PABPC4L: variants seen among roughly 807,000 people sequenced by gnomAD.
PABPC4L encodes poly(A) binding protein cytoplasmic 4 like.
For synonymous variants in PABPC4L, 169 were observed against 164.1 expected, an observed-to-expected ratio of 1.03 and a Z score of -0.23; for missense variants, 452 against 451.4, an observed-to-expected ratio of 1.00 and a Z score of -0.01.
rs1171050380 is a variant in PABPC4L at position 134,198,154 on chromosome 4, G to A, written c.*1753C>T. On this transcript the variant is annotated 3_prime_UTR_variant, in exon 2 of 2. Coordinates refer to ENST00000421491, the MANE Select transcript of PABPC4L (RefSeq NM_001114734.2). Reference sequence around the variant, plus strand: ...ATTATAAGACAAATAATTATTGTGAGCATAAAAGTTGACCATAGCATATTG... The same window carrying A: ...ATTATAAGACAAATAATTATTGTGAACATAAAAGTTGACCATAGCATATTG... 1 of 151,532 alleles carries A rather than the reference G, an allele frequency of 6.6e-6. No homozygotes were observed. Among genetic ancestry groups the A allele is most frequent in the Non-Finnish European group, 1.5e-5 (1 of 67,604 alleles). The allele number at this position is 151,532 out of a possible 1,614,324, so 9.4% of individuals were successfully genotyped here. A position where few individuals can be genotyped will look rare whatever the true frequency, so the allele number is the denominator to read the frequency against.
chr4:134,105,925 T>A, the PABPC4L span, among the ~76,000 whole-genome samples: 1 of 151,758 alleles, frequency 6.6e-6, no homozygotes, highest in Non-Finnish European at 1.5e-5. Flanking sequence ...GTTAAAAGAC[T>A]GCTGTAATAA....
At chr4:134,167,481 T>C in the PABPC4L span, among the ~76,000 whole-genome samples, 2 of 151,784 alleles carry the variant, frequency 1.3e-5, no homozygotes, top group Admixed American at 1.3e-4. Flanking sequence ...TACAAATACA[T>C]AGAGTGGCTG....
At chr4:134,131,222 G>A in the PABPC4L span, among the ~76,000 whole-genome samples, 3 of 151,864 alleles carry the variant, frequency 2.0e-5, no homozygotes, top group Non-Finnish European at 4.4e-5. Flanking sequence ...AAAAGTAAAG[G>A]GCATCCAAAT....
At chr4:133,986,449 G>A in the PABPC4L span, among the ~76,000 whole-genome samples, 5 of 151,896 alleles carry the variant, frequency 3.3e-5, no homozygotes, top group Non-Finnish European at 2.9e-5. Flanking sequence ...AAAATTATTT[G>A]TTTGCATTTT....
the PABPC4L span, among the ~76,000 whole-genome samples, chr4:134,088,943 G>T: frequency 6.6e-6 from 1 of 152,006 alleles, no homozygotes; most frequent in Non-Finnish European, 1.5e-5. Context: ...GTGAAGAAAT[G>T]TATTTTAAAA....
rs72944870 is a variant in PABPC4L at position 134,199,593 on chromosome 4, A to T, written c.*314T>A. 1,026 of 201,674 alleles carry T rather than the reference A, an allele frequency of 5.1e-3. 15 individuals are homozygous for T. Among genetic ancestry groups the T allele is most frequent in the African/African-American group, 0.021 (930 of 43,540 alleles). The allele number at this position is 201,674 out of a possible 1,614,324, so 12.5% of individuals were successfully genotyped here. ...AAATAATAAATATGCAATAAATTCA[A>T]ATAATTACCTCATTTCATTTGGTTC... On this transcript the variant is annotated 3_prime_UTR_variant, in exon 2 of 2. Coordinates refer to ENST00000421491, the MANE Select transcript of PABPC4L (RefSeq NM_001114734.2).
the PABPC4L span, among the ~76,000 whole-genome samples, chr4:134,035,173 A>T: frequency 1.3e-5 from 2 of 151,994 alleles, no homozygotes; most frequent in African/African-American, 4.8e-5. Flanking sequence ...CAGTGTTTTT[A>T]ATTAATGTAT....
the PABPC4L span, among the ~76,000 whole-genome samples, chr4:134,173,660 C>A: frequency 6.6e-6 from 1 of 151,888 alleles, no homozygotes; most frequent in Admixed American, 6.6e-5. Context: ...AATAAGACAA[C>A]TATAGTTAAC....
chr4:134,189,934 C>A, the PABPC4L span, among the ~76,000 whole-genome samples: 1 of 152,038 alleles, frequency 6.6e-6, no homozygotes, highest in Non-Finnish European at 1.5e-5. Flanking sequence ...AAAATACTGT[C>A]TTCCCCTTAC....
At chr4:134,059,284 GT>G in the PABPC4L span, among the ~76,000 whole-genome samples, 1 of 150,926 alleles carries the variant, frequency 6.6e-6, no homozygotes, top group African/African-American at 2.4e-5. Context: ...ATACTTAAAG[GT>G]TCGTCGGAAA....
the PABPC4L span, among the ~76,000 whole-genome samples, chr4:134,122,375 A>C: frequency 6.6e-6 from 1 of 151,918 alleles, no homozygotes; most frequent in East Asian, 1.9e-4. Flanking sequence ...ATTATTTTAC[A>C]GACTTAAAAT....
the PABPC4L span, among the ~76,000 whole-genome samples, chr4:134,174,512 G>A: frequency 6.6e-6 from 1 of 152,120 alleles, no homozygotes; most frequent in Non-Finnish European, 1.5e-5. Flanking sequence ...TGTTATGACT[G>A]CTACAATGAC....
At chr4:134,191,032 A>G in the PABPC4L span, among the ~76,000 whole-genome samples, 1 of 152,148 alleles carries the variant, frequency 6.6e-6, no homozygotes, top group East Asian at 1.9e-4. Flanking sequence ...TTCTAGTTAT[A>G]TATTCTTCTT....
At chr4:134,066,724 G>A in the PABPC4L span, among the ~76,000 whole-genome samples, 1 of 151,816 alleles carries the variant, frequency 6.6e-6, no homozygotes, top group Non-Finnish European at 1.5e-5. Flanking sequence ...TTCATTGCCT[G>A]TTTTTTTGAA....
the PABPC4L span, among the ~76,000 whole-genome samples, chr4:134,181,847 A>G: frequency 1.3e-5 from 2 of 152,012 alleles, no homozygotes; most frequent in Non-Finnish European, 2.9e-5. Context: ...GAGAATTACA[A>G]GATGCTACTT....
At chr4:133,961,876 G>A in the PABPC4L span, among the ~76,000 whole-genome samples, 1 of 152,152 alleles carries the variant, frequency 6.6e-6, no homozygotes, top group East Asian at 1.9e-4. Flanking sequence ...TAAGTGCCCA[G>A]GGTTTGTCCT....
the PABPC4L span, among the ~76,000 whole-genome samples, chr4:133,950,197 G>C: frequency 2.0e-5 from 3 of 152,070 alleles, no homozygotes; most frequent in Admixed American, 1.3e-4. Context: ...AGCCAAATCT[G>C]GGTATAATTT....
At chr4:133,972,683 AG>A in the PABPC4L span, among the ~76,000 whole-genome samples, 8 of 152,222 alleles carry the variant, frequency 5.3e-5, no homozygotes, top group African/African-American at 9.6e-5. Flanking sequence ...AAAGATCAAA[AG>A]ACTCATATAG....
At chr4:134,120,399 ATAT>A in the PABPC4L span, among the ~76,000 whole-genome samples, 1 of 149,446 alleles carries the variant, frequency 6.7e-6, no homozygotes, top group African/African-American at 2.4e-5. Context: ...ACTTCCAAAA[ATAT>A]TATTGCTAAT....
Sources: gnomAD v4.1 joint callset for allele counts (sites outside exome capture counted in the v4.1 genomes callset) on GRCh38, gnomAD v4.1.1 for gene constraint, MANE v1.5 for transcripts, NCBI Gene and HGNC (gene_info 2026-07-23, HGNC 2026-07-21) for gene names.